Variants in HECW1 observed in about 807,000 individuals in gnomAD.
HECW1 encodes HECT, C2 and WW domain containing E3 ubiquitin protein ligase 1, also known as E3 ubiquitin-protein ligase HECW1.
HECW1 carries 61 observed loss-of-function variants against 182.3 expected under a neutral mutation model. The ratio of observed to expected loss-of-function variants is 0.33; its 90% CI spans 0.27 to 0.41. The LOEUF is 0.41. Among genes scored for constraint, HECW1 ranks in the 10% least tolerant of loss-of-function variants. The probability of loss-of-function intolerance (pLI) is 1.00; values close to 1 mark genes in which losing one functional copy is unlikely to be tolerated. For synonymous variants in HECW1, 859 were observed against 832.6 expected (o/e 1.03, Z -0.55); for missense variants, 1,739 against 2,108.9 (o/e 0.82, Z 3.44).
At chr7:43,401,738 C>T (rs1329670649) in intron 7 of HECW1, among the ~76,000 whole-genome samples, 1 of 151,742 alleles carries the variant, frequency 6.6e-6, no homozygotes. Flanking sequence ...CAGGGAAATA[C>T]TGGGTAGAAG....
chr7:43,114,319 C>G lies in HECW1; in HGVS notation c.-104C>G, dbSNP rs758013308. The stretch of plus-strand genomic sequence containing the variant: ...TTAAAGACCCCGGCAGTGTTGTGGT[C>G]CAAGGCGTCTCAAAGCAGGTGGCCA... On this transcript the variant is annotated 5_prime_UTR_variant, in exon 2 of 30. Coordinates refer to ENST00000395891, the MANE Select transcript of HECW1 (RefSeq NM_015052.5). 31 of 1,361,842 alleles carry G rather than the reference C, an allele frequency of 2.3e-5. No homozygotes were observed. The East Asian group carries it at 1.1e-3, about 48-fold the overall frequency. 84.4% of individuals were successfully genotyped at this position (1,361,842 alleles called of 1,614,324 possible).
At chr7:43,420,093 A>G (rs2076132675) in intron 8 of HECW1, among the ~76,000 whole-genome samples, 1 of 152,276 alleles carries the variant, frequency 6.6e-6, no homozygotes, top group Non-Finnish European at 1.5e-5. Context: ...TACTTGGACC[A>G]ATATAAGCAT....
At chr7:43,351,720 G>A (rs2152806631) in intron 5 of HECW1, among the ~76,000 whole-genome samples, 1 of 117,102 alleles carries the variant, frequency 8.5e-6, no homozygotes, top group East Asian at 2.4e-4. Flanking sequence ...CTTTGCATGT[G>A]CTTGGTCAAT....
intron 2 of HECW1, among the ~76,000 whole-genome samples, chr7:43,186,088 G>A (rs10254147): frequency 0.24 from 36,646 of 152,070 alleles, 4,611 homozygotes; most frequent in Middle Eastern, 0.27. Flanking sequence ...AAGATCAAGA[G>A]CAAGATAATC....
At chr7:43,333,770 G>T (rs939957617) in intron 5 of HECW1, among the ~76,000 whole-genome samples, 2 of 152,188 alleles carry the variant, frequency 1.3e-5, no homozygotes, top group Admixed American at 1.3e-4. Flanking sequence ...GGAAATGCGG[G>T]CAGAGGGAAG....
chr7:43,469,409 T>A (rs918905826), intron 16 of HECW1, among the ~76,000 whole-genome samples: 10 of 152,344 alleles, frequency 6.6e-5, no homozygotes, highest in Admixed American at 3.3e-4. Flanking sequence ...ACATTTTTTT[T>A]AAATTTAGGT....
At chr7:43,276,377 T>C (rs1256019580) in intron 3 of HECW1, among the ~76,000 whole-genome samples, 1 of 152,214 alleles carries the variant, frequency 6.6e-6, no homozygotes, top group African/African-American at 2.4e-5. Flanking sequence ...CTGGTCCCAG[T>C]ATGGCATTGA....
At chr7:43,533,206 T>C (rs1436200015) in intron 24 of HECW1, among the ~76,000 whole-genome samples, 2 of 152,072 alleles carry the variant, frequency 1.3e-5, no homozygotes, top group Admixed American at 1.3e-4. Context: ...ACATCAACAG[T>C]GCTGAGGCTG....
chr7:43,554,756 A>T lies in HECW1; in HGVS notation c.4675A>T (p.Ile1559Leu), dbSNP rs1352631913. 1.2e-6 allele frequency: 2 copies of T among 1,614,012 alleles called. No individual in the cohort carries two copies. Among genetic ancestry groups the T allele is most frequent in the Non-Finnish European group, 8.5e-7 (1 of 1,179,952 alleles). Residue 1559 changes from isoleucine (I) to leucine (L), a missense_variant, in exon 29 of 30, where the codon ATA becomes TTA. Ile to Leu is a conservative substitution (Grantham distance 5). Around this residue, in one of 5 missense-constraint regions of HECW1, gnomAD observed 420 missense variants for 595.7 expected, o/e 0.71. Coordinates refer to ENST00000395891, the MANE Select transcript of HECW1 (RefSeq NM_015052.5). The part of the protein sequence containing the change: ...RGSNGLRRFC[I>L]EKWGKITSLP... ...GAGCAATGGGCTTCGGCGCTTCTGC[A>T]TAGAGAAATGGGGGAAAATTACTTC...
chr7:43,560,664 G>C (rs1440727732), intron 29 of HECW1, among the ~76,000 whole-genome samples: 2 of 152,176 alleles, frequency 1.3e-5, no homozygotes, highest in Non-Finnish European at 2.9e-5. Flanking sequence ...GCAGTGATCT[G>C]ATACTCTGAT....
In HECW1 at chr7:43,207,948, T is replaced by C. The variant is rs1795642145; in HGVS notation, c.-31-35927T>C. The C allele has an allele frequency of 2.0e-5, 3 of 152,242 alleles. No individual in the cohort carries two copies. The South Asian group carries it at 6.2e-4, about 32-fold the overall frequency. The allele number at this position is 152,242 out of a possible 1,614,324, so 9.4% of individuals were successfully genotyped here. A position where few individuals can be genotyped will look rare whatever the true frequency, so the allele number is the denominator to read the frequency against. ...TATGGTCTGCAGATTTGTTAAGCTGTACCTTTGTGTAGATTTATTTAATTC... is the reference window on the plus strand; with the variant it reads ...TATGGTCTGCAGATTTGTTAAGCTGCACCTTTGTGTAGATTTATTTAATTC... On this transcript the variant is annotated intron_variant, in intron 2 of 29. Coordinates refer to ENST00000395891, the MANE Select transcript of HECW1 (RefSeq NM_015052.5).
chr7:43,439,562 T>C (rs1470718442), intron 9 of HECW1: 2 of 152,538 alleles, frequency 1.3e-5, no homozygotes, highest in Non-Finnish European at 2.9e-5. Context: ...CTGTGTGGGA[T>C]TCTTTCTACC....
chr7:43,157,446 A>G (rs1307259633), intron 2 of HECW1, among the ~76,000 whole-genome samples: 3 of 152,276 alleles, frequency 2.0e-5, no homozygotes, highest in Non-Finnish European at 4.4e-5. Flanking sequence ...TGTAATATTC[A>G]GATACTTACA....
At chr7:43,283,285 C>T (rs760276551) in intron 3 of HECW1, among the ~76,000 whole-genome samples, 61 of 152,048 alleles carry the variant, frequency 4.0e-4, no homozygotes, top group Non-Finnish European at 7.1e-4. Context: ...CATTATCTCA[C>T]GAGTGAACAC....
At position 43,550,621 on chromosome 7, in the gene HECW1, C is replaced by T. The variant is rs553986516; in HGVS notation, c.4395+30C>T. The T allele has an allele frequency of 2.2e-4, 348 of 1,571,772 alleles. 7 individuals are homozygous for T. In the South Asian group the frequency reaches 3.9e-3, roughly 17 times the overall value. On this transcript the variant is annotated intron_variant, in intron 27 of 29. Transcript: ENST00000395891. ...GGCCCGGTGGCCTGGGGAAGGCAAG[C>T]TGTGGCCAGGGTGCTGCTTCACGGG...
chr7:43,199,288 A>C (rs1411831147), intron 2 of HECW1, among the ~76,000 whole-genome samples: 1 of 152,256 alleles, frequency 6.6e-6, no homozygotes, highest in Non-Finnish European at 1.5e-5. Flanking sequence ...AAGTCTAATC[A>C]GTAGCAAAGT....
At chr7:43,264,858 A>AC (rs1184737604) in intron 3 of HECW1, among the ~76,000 whole-genome samples, 1 of 151,600 alleles carries the variant, frequency 6.6e-6, no homozygotes, top group African/African-American at 2.4e-5. Flanking sequence ...AAAAAAAAAA[A>AC]AAAAATTGCT....
intron 19 of HECW1, among the ~76,000 whole-genome samples, chr7:43,499,686 T>G (rs1239174151): frequency 3.9e-5 from 6 of 152,186 alleles, no homozygotes; most frequent in African/African-American, 1.4e-4. Flanking sequence ...CTATTTCTGC[T>G]GCATCTCTTC....
At chr7:43,330,164 G>A (rs1811291988) in intron 5 of HECW1, among the ~76,000 whole-genome samples, 1 of 152,182 alleles carries the variant, frequency 6.6e-6, no homozygotes, top group East Asian at 1.9e-4. Context: ...ACCTGGGCTG[G>A]TTTCCAAACT....
Sources: gnomAD v4.1 joint callset for allele counts (sites outside exome capture counted in the v4.1 genomes callset) on GRCh38, gnomAD v4.1.1 for gene constraint, gnomAD v4.1.1 regional missense constraint, MANE v1.5 for transcripts, NCBI Gene and HGNC (gene_info 2026-07-23, HGNC 2026-07-21) for gene names.